Variants in PCGF5 observed in about 807,000 individuals in gnomAD.
PCGF5 encodes the protein polycomb group ring finger 5.
Under a neutral mutation model 44.3 loss-of-function variants are expected in PCGF5, and 9 were observed. The ratio of observed to expected loss-of-function variants is 0.20; its 90% CI spans 0.12 to 0.35. PCGF5 has a LOEUF of 0.35. Among genes scored for constraint, PCGF5 ranks in the 10% least tolerant of loss-of-function variants. PCGF5 has a pLI of 1.00. For missense variants in PCGF5, 146 were observed against 305.3 expected, an observed-to-expected ratio of 0.48 and a Z score of 3.89; for synonymous variants, 95 against 102.5, an observed-to-expected ratio of 0.93 and a Z score of 0.44.
At chr10:91,245,773 ACATTTTT>A (rs1845444852) in intron 3 of PCGF5, among the ~76,000 whole-genome samples, 1 of 152,224 alleles carries the variant, frequency 6.6e-6, no homozygotes, top group East Asian at 1.9e-4. Context: ...CATTGCTTTG[ACATTTTT>A]CATTGAGAAG....
chr10:91,227,957 G>A, intron 2 of PCGF5: 1 of 957,032 alleles, frequency 1.0e-6, no homozygotes, highest in Non-Finnish European at 1.2e-6. Context: ...TGGCTAATAA[G>A]TTATTTTATT....
At chr10:91,216,599 G>A (rs556247656), upstream of PCGF5, among the ~76,000 whole-genome samples, 172 of 152,342 alleles carry the variant, frequency 1.1e-3, 1 homozygote, top group African/African-American at 4.0e-3. Context: ...GCAGAAAAGA[G>A]CTGTAGGAAG....
intron 1 of PCGF5, among the ~76,000 whole-genome samples, chr10:91,170,558 A>G (rs535870586): frequency 6.6e-6 from 1 of 152,234 alleles, no homozygotes; most frequent in Non-Finnish European, 1.5e-5. Flanking sequence ...AACAACCATG[A>G]TATACCACTA....
rs1843610330 is a variant in PCGF5 at position 91,171,759 on chromosome 10, GGAGGGA to G, written c.-184+8679_-184+8684del. Among the ~76,000 whole-genome samples, 3 of 152,168 alleles carry G rather than the reference GGAGGGA, an allele frequency of 2.0e-5. No homozygotes were observed. In the South Asian group the frequency reaches 6.2e-4, roughly 32 times the overall value. On this transcript the variant is annotated intron_variant, in intron 1 of 9. Transcript: ENST00000614189. The stretch of plus-strand genomic sequence containing the variant: ...CATGAGGAACTTTCAGGGTTATTGT[GGAGGGA>G]TCAGTTCTGAGTAATGACAAAAATT...
the PCGF5 span, among the ~76,000 whole-genome samples, chr10:91,156,354 G>A: frequency 6.6e-6 from 1 of 152,262 alleles, no homozygotes; most frequent in Admixed American, 6.5e-5. Flanking sequence ...ACCATTTGAT[G>A]ATTGTGGTGC....
intron 8 of PCGF5, 148 bp downstream of exon 8, chr10:91,264,668 C>G (rs1846003951): frequency 5.0e-6 from 3 of 598,016 alleles, no homozygotes; most frequent in African/African-American, 1.9e-5. Flanking sequence ...TCCTAGCACT[C>G]TGATAATTGG....
intron 1 of PCGF5, among the ~76,000 whole-genome samples, chr10:91,195,084 G>A (rs1844102981): frequency 1.3e-5 from 2 of 152,104 alleles, no homozygotes; most frequent in South Asian, 4.1e-4. Flanking sequence ...GTGAGGATGG[G>A]GAAGGTGGTT....
At chr10:91,207,878 G>C (rs112316489) in intron 1 of PCGF5, among the ~76,000 whole-genome samples, 44 of 152,254 alleles carry the variant, frequency 2.9e-4, no homozygotes, top group African/African-American at 1.0e-3. Context: ...ATCTCAGCAG[G>C]TACATAATGT....
chr10:91,277,500 C>T (rs574390157), intron 9 of PCGF5, among the ~76,000 whole-genome samples: 10 of 152,064 alleles, frequency 6.6e-5, no homozygotes, highest in South Asian at 2.1e-4. Context: ...ACAGAGGTAG[C>T]GTGGCATATG....
chr10:91,183,728 G>A (rs767199381), intron 1 of PCGF5, among the ~76,000 whole-genome samples: 1 of 152,116 alleles, frequency 6.6e-6, no homozygotes, highest in African/African-American at 2.4e-5. Flanking sequence ...CATATGTAGT[G>A]TGTCCTTCAG....
At chr10:91,194,996 G>A (rs1844101261) in intron 1 of PCGF5, among the ~76,000 whole-genome samples, 1 of 152,074 alleles carries the variant, frequency 6.6e-6, no homozygotes, top group Non-Finnish European at 1.5e-5. Context: ...CAGTATAGGG[G>A]GAGTAGATGT....
Position 91,283,460 on chromosome 10 carries a change from T to G in PCGF5, c.*5144T>G, listed in dbSNP as rs1318878632. The stretch of plus-strand genomic sequence containing the variant: ...TAGTTTTCTTCCATCTTATGGAGCT[T>G]CATGGAATAAGAAACTAATCTAGTG... On this transcript the variant is annotated 3_prime_UTR_variant, in exon 10 of 10. Transcript: ENST00000336126. 1 of 152,208 alleles carries G rather than the reference T, an allele frequency of 6.6e-6. No homozygotes were observed. The highest frequency in any genetic ancestry group is 2.4e-5 in the African/African-American group (1 of 41,442). The allele number at this position is 152,208 out of a possible 1,614,324, so 9.4% of individuals were successfully genotyped here. A position where few individuals can be genotyped will look rare whatever the true frequency, so the allele number is the denominator to read the frequency against.
At chr10:91,272,515 G>T (rs942340835) in intron 9 of PCGF5, among the ~76,000 whole-genome samples, 1 of 152,108 alleles carries the variant, frequency 6.6e-6, no homozygotes, top group African/African-American at 2.4e-5. Flanking sequence ...GCTCACCTCT[G>T]TAATCTCAGC....
intron 7 of PCGF5, among the ~76,000 whole-genome samples, chr10:91,264,032 A>G (rs1845988209): frequency 6.6e-6 from 1 of 152,192 alleles, no homozygotes. Flanking sequence ...TGAGAGAGGA[A>G]TTGAGAAGCC....
chr10:91,283,079 A>G lies in PCGF5; in HGVS notation c.*4763A>G, dbSNP rs1564663929. 6.6e-6 allele frequency: 1 copy of G among 152,200 alleles called. No individual in the cohort carries two copies. Among genetic ancestry groups the G allele is most frequent in the Non-Finnish European group, 1.5e-5 (1 of 68,036 alleles). 9.4% of individuals were successfully genotyped at this position (152,200 alleles called of 1,614,324 possible). ...GAGTAGCATTTTGACAGAAAATATCAGACTGAAAGTTCATTCAAATGTACT... is the reference window on the plus strand; with the variant it reads ...GAGTAGCATTTTGACAGAAAATATCGGACTGAAAGTTCATTCAAATGTACT... On this transcript the variant is annotated 3_prime_UTR_variant, in exon 10 of 10. Transcript: ENST00000336126.
rs1295230945 is a variant in PCGF5, at chr10:91,282,696, T to A, written c.*4380T>A. 6.6e-6 allele frequency: 1 copy of A among 152,572 alleles called. No individual in the cohort carries two copies. Among genetic ancestry groups the A allele is most frequent in the South Asian group, 2.1e-4 (1 of 4,820 alleles). 9.5% of individuals were successfully genotyped at this position (152,572 alleles called of 1,614,324 possible). On this transcript the variant is annotated 3_prime_UTR_variant, in exon 10 of 10. Coordinates refer to ENST00000336126, the MANE Select transcript of PCGF5 (RefSeq NM_032373.5). ...CATCTTATGGAGTCTTTCTGATAGGTCACTAGGTAAAACTCCTTGGATAGG... is the reference window on the plus strand; with the variant it reads ...CATCTTATGGAGTCTTTCTGATAGGACACTAGGTAAAACTCCTTGGATAGG...
chr10:91,244,152 AAAGTGTTG>A (rs1453746187), intron 3 of PCGF5, among the ~76,000 whole-genome samples: 1 of 152,216 alleles, frequency 6.6e-6, no homozygotes, highest in African/African-American at 2.4e-5. Context: ...AAGAAAGAGG[AAAGTGTTG>A]TGAGGTGAGG....
At chr10:91,207,882 A>G (rs944736737) in intron 1 of PCGF5, among the ~76,000 whole-genome samples, 1 of 152,236 alleles carries the variant, frequency 6.6e-6, no homozygotes, top group African/African-American at 2.4e-5. Context: ...CAGCAGGTAC[A>G]TAATGTCAGA....
chr10:91,239,610 G>A (rs1361228425), intron 2 of PCGF5, among the ~76,000 whole-genome samples: 5 of 152,148 alleles, frequency 3.3e-5, no homozygotes, highest in African/African-American at 9.7e-5. Context: ...AATGGAGGAG[G>A]AGTATTAGGA....
Sources: allele counts gnomAD v4.1 joint callset (sites outside exome capture counted in the v4.1 genomes callset), GRCh38; gene constraint gnomAD v4.1.1; transcripts MANE v1.5; gene names NCBI Gene and HGNC (gene_info 2026-07-23, HGNC 2026-07-21).